PITPNM2: variants seen among roughly 807,000 people sequenced by gnomAD.
PITPNM2 encodes the protein phosphatidylinositol transfer protein membrane associated 2, also known as membrane-associated phosphatidylinositol transfer protein 2.
A neutral mutation model predicts 132.2 loss-of-function variants in PITPNM2; 35 were observed. That is an observed-to-expected ratio of 0.26 (90% CI 0.20 to 0.35). The LOEUF (loss-of-function observed/expected upper bound fraction) is 0.35, where lower values mean the gene tolerates loss of function less well. PITPNM2 is among the 10% of genes least tolerant of loss of function. PITPNM2 has a pLI of 1.00. For synonymous variants in PITPNM2, 738 were observed against 799.2 expected (o/e 0.92, Z 1.29); for missense variants, 1,332 against 1,912.0 (o/e 0.70, Z 5.66).
At chr12:123,132,283 G>A (rs757411098) in intron 1 of PITPNM2, among the ~76,000 whole-genome samples, 4 of 152,178 alleles carry the variant, frequency 2.6e-5, no homozygotes, top group Non-Finnish European at 4.4e-5. Context: ...TAACTGCCAG[G>A]AACACCCACC....
intron 1 of PITPNM2, among the ~76,000 whole-genome samples, chr12:123,147,736 A>T (rs774472490): frequency 6.6e-6 from 1 of 152,206 alleles, no homozygotes; most frequent in Non-Finnish European, 1.5e-5. Context: ...AAAGAGCCAC[A>T]CATAGTGTGG....
chr12:123,019,566 T>C (rs921449150), intron 3 of PITPNM2, among the ~76,000 whole-genome samples: 12 of 152,172 alleles, frequency 7.9e-5, no homozygotes, highest in Admixed American at 5.9e-4. Flanking sequence ...GGCAGCAGGG[T>C]CTCTGAGAAT....
intron 2 of PITPNM2, among the ~76,000 whole-genome samples, chr12:123,046,738 G>A (rs1435744222): frequency 6.6e-6 from 1 of 151,690 alleles, no homozygotes; most frequent in African/African-American, 2.4e-5. Flanking sequence ...TCATGTTTTT[G>A]AGGTTCATGT....
At chr12:123,123,725 A>C (rs1226642209) in intron 1 of PITPNM2, among the ~76,000 whole-genome samples, 1 of 152,154 alleles carries the variant, frequency 6.6e-6, no homozygotes, top group Non-Finnish European at 1.5e-5. Context: ...AATTGAGGCC[A>C]GGAGTTGGAG....
intron 3 of PITPNM2, among the ~76,000 whole-genome samples, chr12:123,026,629 A>G (rs527302555): frequency 6.6e-6 from 1 of 152,352 alleles, no homozygotes; most frequent in East Asian, 1.9e-4. Context: ...GGGTGGAGCC[A>G]GGACAGGGGC....
chr12:123,083,469 G>A lies in PITPNM2; in HGVS notation c.-96+26916C>T, dbSNP rs1302708653. 4 of 152,226 alleles carry A rather than the reference G, an allele frequency of 2.6e-5. No individual in the cohort carries two copies. 9.4% of individuals were successfully genotyped at this position (152,226 alleles called of 1,614,324 possible). A position where few individuals can be genotyped will look rare whatever the true frequency, so the allele number is the denominator to read the frequency against. On this transcript the variant is annotated intron_variant, in intron 2 of 25. Transcript: ENST00000320201. This position sits in a 1 kb window ranked among gnomAD's most constrained non-coding sequence, Gnocchi z 4.5. ...CTCCTGGTCCCACCCTACGGCTTTGGAACTGAAGCCACAGGCCTACCATCC... is the reference window on the plus strand; with the variant it reads ...CTCCTGGTCCCACCCTACGGCTTTGAAACTGAAGCCACAGGCCTACCATCC...
intron 2 of PITPNM2, among the ~76,000 whole-genome samples, chr12:123,079,744 G>C (rs986693161): frequency 6.6e-6 from 1 of 152,098 alleles, no homozygotes; most frequent in African/African-American, 2.4e-5. Context: ...AGATTCTACC[G>C]CTTCTTCTCA....
chr12:123,056,250 G>A (rs1435060896), intron 2 of PITPNM2, among the ~76,000 whole-genome samples: 1 of 152,212 alleles, frequency 6.6e-6, no homozygotes, highest in African/African-American at 2.4e-5. Context: ...GCATGACAGT[G>A]GCCTCAGAGT....
chr12:123,028,515 A>G (rs1053428629), intron 3 of PITPNM2, among the ~76,000 whole-genome samples: 1 of 152,212 alleles, frequency 6.6e-6, no homozygotes, highest in Non-Finnish European at 1.5e-5. Context: ...GCCTGTGCTG[A>G]AACGTATGTG....
At chr12:123,146,995 T>A (rs756499188) in intron 1 of PITPNM2, among the ~76,000 whole-genome samples, 1 of 152,124 alleles carries the variant, frequency 6.6e-6, no homozygotes, top group Non-Finnish European at 1.5e-5. Flanking sequence ...CATCACCAGG[T>A]TCCCCACTTT....
In PITPNM2 at chr12:123,106,536, G is replaced by A. The variant is rs755139267; in HGVS notation, c.-96+3849C>T. ...AACAGGAAGAAGAGGAGACTGAGAAGAGCCAGCAATTTCTGGCTAAAGCCC... is the reference window on the plus strand; with the variant it reads ...AACAGGAAGAAGAGGAGACTGAGAAAAGCCAGCAATTTCTGGCTAAAGCCC... On this transcript the variant is annotated intron_variant, in intron 2 of 25. Coordinates refer to ENST00000320201, the MANE Select transcript of PITPNM2 (RefSeq NM_020845.3). The surrounding 1 kb of genome is among the most constrained non-coding windows in gnomAD (Gnocchi z 4.4). Among the ~76,000 whole-genome samples the A allele has an allele frequency of 6.6e-6, 1 of 152,246 alleles. No individual in the cohort carries two copies. Among genetic ancestry groups the A allele is most frequent in the Non-Finnish European group, 1.5e-5 (1 of 68,040 alleles).
chr12:123,099,490 G>T lies in PITPNM2; in HGVS notation c.-96+10895C>A, dbSNP rs1215301143. Among the ~76,000 whole-genome samples, 10 of 152,162 alleles carry T rather than the reference G, an allele frequency of 6.6e-5. No individual in the cohort carries two copies. The highest frequency in any genetic ancestry group is 1.5e-5 in the Non-Finnish European group (1 of 68,022). On this transcript the variant is annotated intron_variant, in intron 2 of 25. Transcript: ENST00000320201. The surrounding 1 kb of genome is among the most constrained non-coding windows in gnomAD (Gnocchi z 4.2). ...GCTGACGAAGCCCTGGGGGCTCTGGGCCCTACCTGCAGCACTGGCAGACTT... is the reference window on the plus strand; with the variant it reads ...GCTGACGAAGCCCTGGGGGCTCTGGTCCCTACCTGCAGCACTGGCAGACTT...
chr12:123,034,397 G>A, intron 3 of PITPNM2, 116 bp downstream of exon 3: 1 of 949,420 alleles, frequency 1.1e-6, no homozygotes, highest in Non-Finnish European at 1.6e-6. Flanking sequence ...TTACCAGGAA[G>A]TTCTGGGGCA....
chr12:123,004,676 T>C lies in PITPNM2; in HGVS notation c.953-187A>G. On this transcript the variant is annotated intron_variant, in intron 7 of 25. Transcript: ENST00000320201. This position sits in a 1 kb window ranked among gnomAD's most constrained non-coding sequence, Gnocchi z 4.9. The stretch of plus-strand genomic sequence containing the variant: ...GAGTGGGGAGCGGCCTAGGCTCATC[T>C]CCTGTCCGCCTGGCACAAGGCAGTC... 1.6e-6 allele frequency: 1 copy of C among 625,118 alleles called. No homozygotes were observed. Among genetic ancestry groups the C allele is most frequent in the East Asian group, 2.7e-5 (1 of 36,434 alleles). 38.7% of individuals were successfully genotyped at this position (625,118 alleles called of 1,614,324 possible).
chr12:123,113,535 T>C (rs1381691884), intron 1 of PITPNM2, among the ~76,000 whole-genome samples: 1 of 151,934 alleles, frequency 6.6e-6, no homozygotes, highest in Non-Finnish European at 1.5e-5. Flanking sequence ...CCCCCCATCT[T>C]TACAAAAATT....
At chr12:123,053,719 C>T (rs2040934927) in intron 2 of PITPNM2, among the ~76,000 whole-genome samples, 2 of 152,098 alleles carry the variant, frequency 1.3e-5, no homozygotes, top group African/African-American at 4.8e-5. Flanking sequence ...AGGCATGTGC[C>T]ACCACGCCCG....
chr12:123,115,249 A>G (rs1313587746), intron 1 of PITPNM2, among the ~76,000 whole-genome samples: 1 of 152,176 alleles, frequency 6.6e-6, no homozygotes, highest in Admixed American at 6.5e-5. Flanking sequence ...ATCTTCTTCA[A>G]CAAACACTGT....
intron 2 of PITPNM2, 53 bp downstream of exon 2, chr12:123,110,332 C>A (rs1593021893): frequency 6.6e-6 from 1 of 152,306 alleles, no homozygotes; most frequent in East Asian, 1.9e-4. Context: ...GGGTGGCCTG[C>A]AGGGCCTCAG....
At chr12:123,007,277 CGT>C in intron 6 of PITPNM2, 1 of 451,284 alleles carries the variant, frequency 2.2e-6, no homozygotes, top group East Asian at 7.0e-5. Flanking sequence ...GTGTGGCATC[CGT>C]GTGTGTGTGA....
Sources: gnomAD v4.1 joint callset for allele counts (sites outside exome capture counted in the v4.1 genomes callset) on GRCh38, gnomAD v4.1.1 for gene constraint, Gnocchi (gnomAD v3.1) non-coding constraint, MANE v1.5 for transcripts, NCBI Gene and HGNC (gene_info 2026-07-23, HGNC 2026-07-21) for gene names.